Variants in ZSCAN5A observed in about 807,000 individuals in gnomAD.
ZSCAN5A encodes zinc finger and SCAN domain containing 5A.
A neutral mutation model predicts 23.7 loss-of-function variants in ZSCAN5A; 12 were observed. The ratio of observed to expected loss-of-function variants is 0.51; its 90% CI spans 0.32 to 0.82. The LOEUF (loss-of-function observed/expected upper bound fraction) is 0.82. Among genes scored for constraint, ZSCAN5A ranks in the 40% least tolerant of loss-of-function variants. ZSCAN5A has a pLI of 0.03. For missense variants in ZSCAN5A, 597 were observed against 617.9 expected (o/e 0.97, Z 0.36); for synonymous variants, 257 against 239.9 (o/e 1.07, Z -0.66).
chr19:56,260,843 C>CT (rs1371668804), intron 2 of ZSCAN5A, among the ~76,000 whole-genome samples: 1 of 152,134 alleles, frequency 6.6e-6, no homozygotes. Context: ...GGAGAGCACT[C>CT]TTTTTTGTAA....
chr19:56,278,515 C>T (rs1474287944), intron 2 of ZSCAN5A, among the ~76,000 whole-genome samples: 1 of 152,150 alleles, frequency 6.6e-6, no homozygotes, highest in African/African-American at 2.4e-5. Flanking sequence ...TCATGCAGAC[C>T]CGTTTTAGGC....
intron 2 of ZSCAN5A, among the ~76,000 whole-genome samples, chr19:56,236,848 C>A (rs2034967082): frequency 6.8e-6 from 1 of 148,148 alleles, no homozygotes; most frequent in African/African-American, 2.5e-5. Flanking sequence ...CTCTGATTGA[C>A]CGTGGGCCAA....
intron 2 of ZSCAN5A, among the ~76,000 whole-genome samples, chr19:56,230,173 G>C (rs955234026): frequency 3.3e-5 from 5 of 152,086 alleles, no homozygotes; most frequent in African/African-American, 1.2e-4. Flanking sequence ...TGCAACCTCT[G>C]CCTCTTGGGT....
At chr19:56,245,166 T>C (rs905207282) in intron 2 of ZSCAN5A, 1 of 489,118 alleles carries the variant, frequency 2.0e-6, no homozygotes, top group Non-Finnish European at 3.7e-6. Context: ...CCAGGGAATA[T>C]GAGAGCTACT....
chr19:56,342,570 G>A (rs1210239248), intron 2 of ZSCAN5A: 2 of 383,806 alleles, frequency 5.2e-6, no homozygotes, highest in Non-Finnish European at 1.0e-5. Context: ...TGCTATAGAA[G>A]AGATCTTGTC....
intron 2 of ZSCAN5A, among the ~76,000 whole-genome samples, chr19:56,289,411 G>C (rs1298526806): frequency 6.6e-6 from 1 of 152,182 alleles, no homozygotes; most frequent in Non-Finnish European, 1.5e-5. Context: ...AAATTTCAAG[G>C]AAGAAAGATG....
intron 2 of ZSCAN5A, among the ~76,000 whole-genome samples, chr19:56,290,299 A>G (rs2039426934): frequency 1.3e-5 from 2 of 152,156 alleles, no homozygotes; most frequent in African/African-American, 4.8e-5. Flanking sequence ...CTGACACACA[A>G]TCACACCCAT....
chr19:56,336,033 A>C (rs1257139919), intron 2 of ZSCAN5A, among the ~76,000 whole-genome samples: 4 of 152,130 alleles, frequency 2.6e-5, no homozygotes, highest in Non-Finnish European at 5.9e-5. Context: ...CCTTCATTTC[A>C]ACTTTGGTGA....
intron 2 of ZSCAN5A, among the ~76,000 whole-genome samples, chr19:56,230,016 T>C (rs1485526770): frequency 6.6e-6 from 1 of 152,162 alleles, no homozygotes; most frequent in Non-Finnish European, 1.5e-5. Flanking sequence ...TGATAACATG[T>C]TGTTTGCAAA....
rs1318110519 is a variant in ZSCAN5A at position 56,352,094 on chromosome 19, T to G, written c.-358+11141A>C. 1.3e-5 allele frequency among the ~76,000 whole-genome samples: 2 copies of G among 151,918 alleles called. No homozygotes were observed. The highest frequency in any genetic ancestry group is 6.6e-5 in the Admixed American group (1 of 15,252). On this transcript the variant is annotated intron_variant, in intron 2 of 6. Transcript: ENST00000587340. The surrounding 1 kb of genome is among the most constrained non-coding windows in gnomAD (Gnocchi z 4.2). ...TGCTTTGGTGGATAGTGTGGGGTTT[T>G]TTTGTTTGTTTGTTTCTTTGTTTTT...
Position 56,355,229 on chromosome 19 carries a change from A to G in ZSCAN5A, c.-358+8006T>C, listed in dbSNP as rs2041694315. 2.0e-5 allele frequency among the ~76,000 whole-genome samples: 3 copies of G among 148,628 alleles called. 1 individual carries two copies. The highest frequency in any genetic ancestry group is 2.0e-4 in the Admixed American group (3 of 15,046). ...TGAGTAACCCTGGGCAGTAAGTGTG[A>G]ACTTTTTCTCATGATAGATTATTGC... On this transcript the variant is annotated intron_variant, in intron 2 of 6. Coordinates refer to the ZSCAN5A transcript ENST00000587340.
intron 2 of ZSCAN5A, among the ~76,000 whole-genome samples, chr19:56,293,539 G>A (rs1194491949): frequency 6.6e-6 from 1 of 152,128 alleles, no homozygotes; most frequent in African/African-American, 2.4e-5. Context: ...TGTGGGCGCC[G>A]GTCCTGACTG....
intron 2 of ZSCAN5A, among the ~76,000 whole-genome samples, chr19:56,360,809 C>A (rs1477978590): frequency 6.6e-6 from 1 of 151,996 alleles, no homozygotes; most frequent in Non-Finnish European, 1.5e-5. Flanking sequence ...TCTCTAAAAC[C>A]AATTGCAGCA....
At chr19:56,290,577 G>A (rs1480853314) in intron 2 of ZSCAN5A, among the ~76,000 whole-genome samples, 2 of 152,166 alleles carry the variant, frequency 1.3e-5, no homozygotes, top group East Asian at 3.9e-4. Flanking sequence ...TGATTCTTTG[G>A]GTTGGACACG....
intron 2 of ZSCAN5A, chr19:56,228,312 G>A (rs547375255): frequency 3.0e-6 from 3 of 985,302 alleles, no homozygotes; most frequent in Admixed American, 6.1e-5. Context: ...AACCGGCCTG[G>A]AGCTGAACTG....
At chr19:56,319,498 GAAAAAAA>G (rs57164685), upstream of ZSCAN5A, among the ~76,000 whole-genome samples, 5 of 78,408 alleles carry the variant, frequency 6.4e-5, 1 homozygote, top group African/African-American at 1.9e-4. Flanking sequence ...TCCATCTCGG[GAAAAAAA>G]AAAAAAAAAA....
chr19:56,328,512 C>A (rs570378332), intron 2 of ZSCAN5A, among the ~76,000 whole-genome samples: 1 of 150,296 alleles, frequency 6.7e-6, no homozygotes, highest in African/African-American at 2.5e-5. Context: ...CATGGTGGTG[C>A]GCACCTGTAA....
chr19:56,322,111 A>G, intron 2 of ZSCAN5A: 2 of 759,746 alleles, frequency 2.6e-6, no homozygotes, highest in South Asian at 1.4e-5. Flanking sequence ...AAATTCAGAT[A>G]TATTTTTGCA....
intron 2 of ZSCAN5A, among the ~76,000 whole-genome samples, chr19:56,250,396 T>A (rs1398365497): frequency 6.6e-6 from 1 of 152,222 alleles, no homozygotes; most frequent in Admixed American, 6.5e-5. Flanking sequence ...TTCTAGCATC[T>A]CGCTTCATTT....
Sources: allele counts gnomAD v4.1 joint callset (sites outside exome capture counted in the v4.1 genomes callset), GRCh38; gene constraint gnomAD v4.1.1; non-coding constraint Gnocchi (gnomAD v3.1); transcripts MANE v1.5; gene names NCBI Gene and HGNC (gene_info 2026-07-23, HGNC 2026-07-21).